CNOT6: variants seen among roughly 807,000 people sequenced by gnomAD.
The protein encoded by CNOT6 is carbon catabolite repression 4 protein.
CNOT6 carries 12 observed loss-of-function variants against 61.2 expected under a neutral mutation model. The observed-to-expected ratio is 0.20, with a 90% confidence interval of 0.13 to 0.32. The LOEUF is 0.32. Ranked by LOEUF, CNOT6 falls within the 10% of genes least tolerant of loss-of-function variation. The probability of loss-of-function intolerance (pLI) is 1.00; values close to 1 mark genes in which losing one functional copy is unlikely to be tolerated. For missense variants in CNOT6, 405 were observed against 663.9 expected, an observed-to-expected ratio of 0.61 and a Z score of 4.28; for synonymous variants, 225 against 240.6, an observed-to-expected ratio of 0.94 and a Z score of 0.60.
At chr5:180,498,000 G>A (rs1160756769) in intron 1 of CNOT6, among the ~76,000 whole-genome samples, 3 of 149,780 alleles carry the variant, frequency 2.0e-5, no homozygotes, top group East Asian at 3.9e-4. Context: ...CCGAGAGCAC[G>A]CCATTGCACT....
intron 1 of CNOT6, among the ~76,000 whole-genome samples, chr5:180,503,100 T>G (rs919202411): frequency 6.6e-6 from 1 of 152,106 alleles, no homozygotes; most frequent in Admixed American, 6.5e-5. Context: ...GGTGGTGCAG[T>G]GGGCTCTGCT....
chr5:180,535,086 C>T (rs1464522081), intron 2 of CNOT6, among the ~76,000 whole-genome samples: 1 of 152,120 alleles, frequency 6.6e-6, no homozygotes, highest in Non-Finnish European at 1.5e-5. Flanking sequence ...TCCACCATGG[C>T]ATGGGCCGGA....
chr5:180,510,362 C>T (rs920586846), intron 1 of CNOT6, among the ~76,000 whole-genome samples: 1 of 151,872 alleles, frequency 6.6e-6, no homozygotes, highest in Non-Finnish European at 1.5e-5. Flanking sequence ...GAAAGAGAAA[C>T]AAACAAATGT....
intron 2 of CNOT6, among the ~76,000 whole-genome samples, chr5:180,549,408 T>TG (rs1318168774): frequency 6.6e-6 from 1 of 152,066 alleles, no homozygotes; most frequent in Admixed American, 6.6e-5. Context: ...CCAGCACTTT[T>TG]GGAGGCCAAG....
At chr5:180,522,687 T>G (rs1457725228) in intron 1 of CNOT6, among the ~76,000 whole-genome samples, 1 of 151,866 alleles carries the variant, frequency 6.6e-6, no homozygotes, top group Non-Finnish European at 1.5e-5. Context: ...GTCTCACTCT[T>G]GCCCACGCTG....
At chr5:180,566,640 CTTTTTTTTTTTTTT>C (rs70973940) in intron 7 of CNOT6, among the ~76,000 whole-genome samples, 8 of 75,590 alleles carry the variant, frequency 1.1e-4, no homozygotes, top group African/African-American at 2.6e-4. Context: ...AAAGATGTTA[CTTTTTTTTTTTTTT>C]TTTTTTTTTT....
intron 2 of CNOT6, among the ~76,000 whole-genome samples, chr5:180,546,844 T>TATTCTAAAAGTGATTTGGAAAAATC (rs1355646244): frequency 6.6e-6 from 1 of 152,252 alleles, no homozygotes; most frequent in Non-Finnish European, 1.5e-5. Flanking sequence ...TCCCTTGGGA[T>TATTCTAAAAGTGATTTGGAAAAATC]CAAAAGTGAT....
chr5:180,533,482 C>A (rs1310984413), intron 2 of CNOT6, among the ~76,000 whole-genome samples: 7 of 151,934 alleles, frequency 4.6e-5, no homozygotes, highest in Non-Finnish European at 1.0e-4. Context: ...TTATACATAG[C>A]TTACTGTATC....
Position 180,567,137 on chromosome 5 carries a change from A to G in CNOT6, c.767A>G (p.Glu256Gly), listed in dbSNP as rs1760506679. 1 of 1,613,868 alleles carries G rather than the reference A, an allele frequency of 6.2e-7. No homozygotes were observed. Among genetic ancestry groups the G allele is most frequent in the East Asian group, 2.2e-5 (1 of 44,864 alleles). ...AGTTTTTTTCTGGTAGAGCTGAAAG[A>G]ACGTGGCTATAATGGATTCTTCAGT... ...YYSFFLVELK[E>G]RGYNGFFSPK... is the part of the protein sequence containing the mutation. The change falls in exon 8 of 12, where the codon GAA (glutamate) becomes GGA (glycine). Residue 256 changes from glutamate (E) to glycine (G), a missense_variant. This residue lies in a region of CNOT6 where 212 missense variants were observed against 307.1 expected (regional missense o/e 0.69). Coordinates refer to ENST00000261951, the MANE Select transcript of CNOT6 (RefSeq NM_001370472.1).
intron 1 of CNOT6, among the ~76,000 whole-genome samples, chr5:180,513,075 T>G (rs1279693576): frequency 6.6e-6 from 1 of 151,976 alleles, no homozygotes; most frequent in Non-Finnish European, 1.5e-5. Context: ...TTTTTTGTGT[T>G]TTTAGTAGAC....
At chr5:180,501,720 C>T (rs1393732313) in intron 1 of CNOT6, among the ~76,000 whole-genome samples, 1 of 152,092 alleles carries the variant, frequency 6.6e-6, no homozygotes, top group African/African-American at 2.4e-5. Flanking sequence ...CTAAGGGAAC[C>T]CTAAGGAACA....
intron 2 of CNOT6, among the ~76,000 whole-genome samples, chr5:180,535,125 C>T (rs1758613448): frequency 1.3e-5 from 2 of 152,376 alleles, no homozygotes; most frequent in South Asian, 2.1e-4. Context: ...GATGTGCTCA[C>T]TGATTCGTGG....
chr5:180,575,433 G>A lies in CNOT6; in HGVS notation c.*1233G>A, dbSNP rs6880907. On this transcript the variant is annotated 3_prime_UTR_variant, in exon 12 of 12. Transcript: ENST00000261951. ...ATCATGTGAATTCTTTTTGTCGTCA[G>A]TGTCTTTTCCTTAGTCTTTTTGTTG... The A allele has an allele frequency of 0.037, 5,565 of 152,024 alleles. 222 individuals are homozygous for A. Among genetic ancestry groups the A allele is most frequent in the African/African-American group, 0.097 (4,024 of 41,462 alleles). The allele number at this position is 152,024 out of a possible 1,614,324, so 9.4% of individuals were successfully genotyped here.
intron 2 of CNOT6, 32 bp from the exon 3 acceptor site, chr5:180,549,895 CTATA>C: frequency 1.4e-6 from 2 of 1,468,562 alleles, no homozygotes; most frequent in Non-Finnish European, 1.9e-6. Flanking sequence ...GTAGAGAAAA[CTATA>C]TAATCCGTTC....
chr5:180,553,616 T>G (rs918942202), intron 4 of CNOT6, 145 bp downstream of exon 4: 3 of 624,114 alleles, frequency 4.8e-6, no homozygotes, highest in Non-Finnish European at 8.4e-6. Context: ...CGCAATGGTT[T>G]TATCTTCTCT....
intron 4 of CNOT6, among the ~76,000 whole-genome samples, chr5:180,555,459 A>G (rs2387283): frequency 6.6e-6 from 1 of 151,974 alleles, no homozygotes; most frequent in African/African-American, 2.4e-5. Flanking sequence ...ATCTGTGTTT[A>G]TTTCTTGGAA....
intron 11 of CNOT6, among the ~76,000 whole-genome samples, chr5:180,572,330 C>T (rs191193925): frequency 6.6e-6 from 1 of 152,310 alleles, no homozygotes; most frequent in East Asian, 1.9e-4. Context: ...GCTGGGATTA[C>T]AGGCATGAGC....
At chr5:180,546,462 A>G (rs2127740137) in intron 2 of CNOT6, among the ~76,000 whole-genome samples, 1 of 152,270 alleles carries the variant, frequency 6.6e-6, no homozygotes, top group Non-Finnish European at 1.5e-5. Context: ...TATACTTACC[A>G]CAGTGTGCTG....
chr5:180,526,299 G>A (rs1169750573), intron 1 of CNOT6, among the ~76,000 whole-genome samples: 2 of 152,190 alleles, frequency 1.3e-5, no homozygotes, highest in Non-Finnish European at 2.9e-5. Flanking sequence ...GCACATATAT[G>A]TGTGCTGAAG....
Sources: gnomAD v4.1 joint callset for allele counts (sites outside exome capture counted in the v4.1 genomes callset) on GRCh38, gnomAD v4.1.1 for gene constraint, gnomAD v4.1.1 regional missense constraint, MANE v1.5 for transcripts, NCBI Gene and HGNC (gene_info 2026-07-23, HGNC 2026-07-21) for gene names.